CACNA2D3: variants seen among roughly 807,000 people sequenced by gnomAD.
The protein encoded by CACNA2D3 is voltage-dependent calcium channel subunit alpha-2/delta-3.
In CACNA2D3, 60 loss-of-function variants were observed where a neutral mutation model predicts 160.6. The observed-to-expected ratio is 0.37, with a 90% CI of 0.30 to 0.46. The LOEUF is 0.46. CACNA2D3 is among the 20% of genes least tolerant of loss of function. The probability of loss-of-function intolerance (pLI) is 1.00; values close to 1 mark genes in which losing one functional copy is unlikely to be tolerated. For synonymous variants in CACNA2D3, 558 were observed against 492.9 expected (o/e 1.13, Z -1.75); for missense variants, 1,205 against 1,365.0 (o/e 0.88, Z 1.85).
At chr3:54,837,520 A>G (rs1698721242) in intron 15 of CACNA2D3, among the ~76,000 whole-genome samples, 1 of 152,158 alleles carries the variant, frequency 6.6e-6, no homozygotes, top group South Asian at 2.1e-4. Flanking sequence ...ACTCTCATTT[A>G]TAGTTACCAG....
intron 4 of CACNA2D3, among the ~76,000 whole-genome samples, chr3:54,490,586 A>G (rs1460464077): frequency 1.3e-5 from 2 of 152,114 alleles, no homozygotes; most frequent in Non-Finnish European, 2.9e-5. Context: ...TCATCTTCAC[A>G]CCTTTGACTG....
chr3:54,993,069 T>C (rs1702777548), intron 31 of CACNA2D3, among the ~76,000 whole-genome samples: 1 of 152,166 alleles, frequency 6.6e-6, no homozygotes, highest in Non-Finnish European at 1.5e-5. Context: ...GCCCCCATGA[T>C]GCAATCACTT....
At chr3:54,992,597 A>G (rs562523020) in intron 31 of CACNA2D3, among the ~76,000 whole-genome samples, 2 of 152,056 alleles carry the variant, frequency 1.3e-5, no homozygotes, top group East Asian at 1.9e-4. Context: ...CAATGTCTGA[A>G]TCCGTCTCTT....
At chr3:54,600,606 C>T (rs913105401) in intron 9 of CACNA2D3, among the ~76,000 whole-genome samples, 2 of 152,138 alleles carry the variant, frequency 1.3e-5, no homozygotes, top group Non-Finnish European at 1.5e-5. Flanking sequence ...TCAAGGACCA[C>T]TTTGGGGATC....
intron 2 of CACNA2D3, among the ~76,000 whole-genome samples, chr3:54,296,575 A>G (rs926613524): frequency 4.6e-5 from 7 of 152,214 alleles, no homozygotes; most frequent in African/African-American, 1.2e-4. Flanking sequence ...GTGTTTTCCA[A>G]TTGCTCACAT....
chr3:55,025,569 G>A (rs771973350), intron 35 of CACNA2D3, among the ~76,000 whole-genome samples: 2 of 148,214 alleles, frequency 1.3e-5, no homozygotes, highest in Non-Finnish European at 3.0e-5. Flanking sequence ...AGGAGGCGGA[G>A]GTTGCAGTGA....
intron 35 of CACNA2D3, among the ~76,000 whole-genome samples, chr3:55,053,477 T>G (rs545108366): frequency 2.8e-4 from 42 of 152,130 alleles, no homozygotes; most frequent in African/African-American, 7.5e-4. Flanking sequence ...CTAACAGCAA[T>G]GATTCATGAT....
intron 3 of CACNA2D3, among the ~76,000 whole-genome samples, chr3:54,360,505 G>A (rs1383058877): frequency 6.6e-6 from 1 of 152,094 alleles, no homozygotes; most frequent in Non-Finnish European, 1.5e-5. Context: ...CCCTCTTGTG[G>A]CAGGACTCAG....
chr3:54,406,151 T>C (rs1381996854), intron 4 of CACNA2D3, among the ~76,000 whole-genome samples: 1 of 151,994 alleles, frequency 6.6e-6, no homozygotes, highest in Non-Finnish European at 1.5e-5. Flanking sequence ...ACTAAACAAA[T>C]TGAAAATAGA....
intron 5 of CACNA2D3, among the ~76,000 whole-genome samples, chr3:54,562,127 A>G (rs1274923251): frequency 6.6e-6 from 1 of 152,120 alleles, no homozygotes; most frequent in African/African-American, 2.4e-5. Flanking sequence ...TTGGGTGGGG[A>G]CATAGCCAAA....
chr3:54,541,157 G>A (rs896717867), intron 5 of CACNA2D3, among the ~76,000 whole-genome samples: 27 of 151,308 alleles, frequency 1.8e-4, no homozygotes, highest in Non-Finnish European at 3.4e-4. Context: ...GGCGCCTGTA[G>A]TCCCAGCTAC....
chr3:54,392,310 A>G (rs1266170352), intron 4 of CACNA2D3, among the ~76,000 whole-genome samples: 1 of 152,192 alleles, frequency 6.6e-6, no homozygotes, highest in East Asian at 1.9e-4. Context: ...AAGAAGAAAA[A>G]AAAAATGTCC....
chr3:54,576,632 T>C (rs1208681524), intron 8 of CACNA2D3, among the ~76,000 whole-genome samples: 2 of 152,136 alleles, frequency 1.3e-5, no homozygotes, highest in East Asian at 1.9e-4. Context: ...TCAGCAAGAG[T>C]TGTGCGATGT....
intron 27 of CACNA2D3, among the ~76,000 whole-genome samples, chr3:54,962,522 C>T (rs1051098219): frequency 9.9e-5 from 15 of 151,990 alleles, no homozygotes; most frequent in African/African-American, 3.6e-4. Context: ...ATTTTAATAC[C>T]CGTGATTTTA....
chr3:55,030,317 C>T (rs192162925), intron 35 of CACNA2D3, among the ~76,000 whole-genome samples: 61 of 152,264 alleles, frequency 4.0e-4, no homozygotes, highest in African/African-American at 1.4e-3. Context: ...AGGTTTAAAA[C>T]ATGACTATCA....
At position 54,765,549 on chromosome 3, in the gene CACNA2D3, G is replaced by A. The variant is rs544939954; in HGVS notation, c.1380+1198G>A. 3.3e-5 allele frequency among the ~76,000 whole-genome samples: 5 copies of A among 152,230 alleles called. No homozygotes were observed. The South Asian group carries it at 1.0e-3, about 32-fold the overall frequency. On this transcript the variant is annotated intron_variant, in intron 13 of 37. Transcript: ENST00000474759. ...GCACCATATTAACAATAGCAGCCATGGTGATAACTTCATCTTTTCTTGTAT... is the reference window on the plus strand; with the variant it reads ...GCACCATATTAACAATAGCAGCCATAGTGATAACTTCATCTTTTCTTGTAT...
intron 27 of CACNA2D3, among the ~76,000 whole-genome samples, chr3:54,967,361 A>C (rs1409850609): frequency 6.6e-6 from 1 of 152,188 alleles, no homozygotes; most frequent in African/African-American, 2.4e-5. Context: ...GTGGCACGCA[A>C]AATTTTTAGA....
At position 54,943,249 on chromosome 3, in the gene CACNA2D3, A is replaced by G. The variant is rs1163606871; in HGVS notation, c.2450-25201A>G. ...TAATAACAATGTTTTTTAAAAAAGA[A>G]AAAAATCATGCCCTGATCCATCATT... On this transcript the variant is annotated intron_variant, in intron 27 of 37. Coordinates refer to ENST00000474759, the MANE Select transcript of CACNA2D3 (RefSeq NM_018398.3). Among the ~76,000 whole-genome samples, 3 of 152,158 alleles carry G rather than the reference A, an allele frequency of 2.0e-5. No homozygotes were observed. In the East Asian group the frequency reaches 5.8e-4, roughly 29 times the overall value.
intron 5 of CACNA2D3, among the ~76,000 whole-genome samples, chr3:54,561,822 G>A (rs1702330013): frequency 6.6e-6 from 1 of 152,120 alleles, no homozygotes; most frequent in Non-Finnish European, 1.5e-5. Flanking sequence ...ACCTGAGATT[G>A]GATAATTTAT....
Sources: gnomAD v4.1 joint callset for allele counts (sites outside exome capture counted in the v4.1 genomes callset) on GRCh38, gnomAD v4.1.1 for gene constraint, MANE v1.5 for transcripts, NCBI Gene and HGNC (gene_info 2026-07-23, HGNC 2026-07-21) for gene names.